Variants in B3GNT5 observed in about 807,000 individuals in gnomAD.
B3GNT5 encodes the protein UDP-GlcNAc:betaGal beta-1,3-N-acetylglucosaminyltransferase 5.
Under a neutral mutation model 25.9 loss-of-function variants are expected in B3GNT5, and 11 were observed. The ratio of observed to expected loss-of-function variants is 0.42; its 90% CI spans 0.27 to 0.70. The LOEUF is 0.70. B3GNT5 is among the 30% of genes least tolerant of loss of function. B3GNT5 has a pLI of 0.23. For missense variants in B3GNT5, 385 were observed against 458.4 expected (o/e 0.84, Z 1.46); for synonymous variants, 166 against 158.6 (o/e 1.05, Z -0.35).
chr3:183,272,097 C>A lies in B3GNT5; in HGVS notation c.*1162C>A. 1 of 939,082 alleles carries A rather than the reference C, an allele frequency of 1.1e-6. No individual in the cohort carries two copies. The highest frequency in any genetic ancestry group is 5.0e-5 in the South Asian group (1 of 20,000). The allele number at this position is 939,082 out of a possible 1,614,324, so 58.2% of individuals were successfully genotyped here. A position where few individuals can be genotyped will look rare whatever the true frequency, so the allele number is the denominator to read the frequency against. On this transcript the variant is annotated 3_prime_UTR_variant, in exon 2 of 2. Coordinates refer to ENST00000326505, the MANE Select transcript of B3GNT5 (RefSeq NM_032047.5). ...TTTCTAAATATTTCAAACTTGAAAA[C>A]AGAGTAAAAAAGTGATAGAAAAGTT...
intron 1 of B3GNT5, among the ~76,000 whole-genome samples, chr3:183,257,396 CTG>C (rs971803796): frequency 2.0e-5 from 3 of 152,214 alleles, no homozygotes; most frequent in African/African-American, 7.2e-5. Context: ...TGAAACATCT[CTG>C]AAGTCTTTTT....
intron 1 of B3GNT5, chr3:183,254,499 C>A (rs1049558823): frequency 1.3e-5 from 2 of 152,134 alleles, no homozygotes; most frequent in Non-Finnish European, 2.9e-5. Context: ...CGCCCAGGTG[C>A]GGCAGGTAGG....
chr3:183,272,359 T>C lies in B3GNT5; in HGVS notation c.*1424T>C, dbSNP rs1424939412. ...AGTGACTGAACTCACTCTAAGGCCT[T>C]TGACTGCAGAGGCACCTGTTAGGGA... is the stretch of plus-strand genomic sequence containing the variant. On this transcript the variant is annotated 3_prime_UTR_variant, in exon 2 of 2. Transcript: ENST00000326505. 5 of 1,000,106 alleles carry C rather than the reference T, an allele frequency of 5.0e-6. No individual in the cohort carries two copies. Among genetic ancestry groups the C allele is most frequent in the African/African-American group, 1.7e-5 (1 of 57,216 alleles). The allele number at this position is 1,000,106 out of a possible 1,614,324, so 62.0% of individuals were successfully genotyped here. A position where few individuals can be genotyped will look rare whatever the true frequency, so the allele number is the denominator to read the frequency against.
At chr3:183,258,938 T>C (rs144906089) in intron 1 of B3GNT5, among the ~76,000 whole-genome samples, 6 of 152,326 alleles carry the variant, frequency 3.9e-5, no homozygotes, top group African/African-American at 9.6e-5. Flanking sequence ...TAATGCAATA[T>C]AAATGCTATG....
At chr3:183,254,530 G>T (rs1192868568) in intron 1 of B3GNT5, 2 of 152,118 alleles carry the variant, frequency 1.3e-5, no homozygotes, top group Non-Finnish European at 2.9e-5. Context: ...GGGCAGCTCC[G>T]GTTGGGGCGG....
Position 183,267,210 on chromosome 3 carries a change from A to G in B3GNT5, c.-301-2288A>G, listed in dbSNP as rs1286541691. Among the ~76,000 whole-genome samples, 1 of 151,544 alleles carries G rather than the reference A, an allele frequency of 6.6e-6. No individual in the cohort carries two copies. Among genetic ancestry groups the G allele is most frequent in the African/African-American group, 2.4e-5 (1 of 40,828 alleles). ...TCTTACTACTCTCAGTACACTCTGT[A>G]TTTAAAAAAAAAAATGCTGGTTGTG... On this transcript the variant is annotated intron_variant, in intron 1 of 1. Transcript: ENST00000326505. The surrounding 1 kb of genome is among the most constrained non-coding windows in gnomAD (Gnocchi z 5.5).
intron 1 of B3GNT5, among the ~76,000 whole-genome samples, chr3:183,263,672 G>A (rs1020380105): frequency 2.0e-5 from 3 of 151,964 alleles, no homozygotes; most frequent in African/African-American, 4.8e-5. Context: ...TGTCTAACTC[G>A]TCTTAGATTA....
intron 1 of B3GNT5, among the ~76,000 whole-genome samples, chr3:183,256,100 T>C (rs1316012709): frequency 6.6e-6 from 1 of 152,254 alleles, no homozygotes; most frequent in African/African-American, 2.4e-5. Flanking sequence ...GAATTTTATA[T>C]ATGCTGAAGT....
At chr3:183,261,297 C>CTA (rs1460825654) in intron 1 of B3GNT5, among the ~76,000 whole-genome samples, 1 of 152,078 alleles carries the variant, frequency 6.6e-6, no homozygotes, top group Non-Finnish European at 1.5e-5. Context: ...TTGGTCCTAG[C>CTA]TATACTTAAC....
Position 183,270,053 on chromosome 3 carries a change from T to G in B3GNT5, c.255T>G (p.Ala85=). 1 of 1,614,142 alleles carries G rather than the reference T, an allele frequency of 6.2e-7. No homozygotes were observed. Among genetic ancestry groups the G allele is most frequent in the Non-Finnish European group, 8.5e-7 (1 of 1,180,030 alleles). The stretch of plus-strand genomic sequence containing the variant: ...TTAACCACAAGGAAAAGTGTCAAGC[T>G]CAAGACGTCCTCCTTTTACTGTTTG... ...YLINHKEKCQ[A]QDVLLLLFVK... is the part of the protein sequence containing the mutation. Residue 85 remains alanine (A), a synonymous_variant, in exon 2 of 2, where the codon GCT becomes GCG. Transcript: ENST00000326505. This position sits in a 1 kb window ranked among gnomAD's most constrained non-coding sequence, Gnocchi z 4.5.
intron 1 of B3GNT5, among the ~76,000 whole-genome samples, chr3:183,255,978 A>G (rs1725011688): frequency 6.6e-6 from 1 of 152,200 alleles, no homozygotes; most frequent in South Asian, 2.1e-4. Context: ...TCTGAGGCCC[A>G]ATTGCACTAG....
chr3:183,261,350 A>G (rs565462203), intron 1 of B3GNT5, among the ~76,000 whole-genome samples: 2 of 152,362 alleles, frequency 1.3e-5, no homozygotes, highest in South Asian at 4.1e-4. Flanking sequence ...AATACTTGGA[A>G]TATAGAACAA....
chr3:183,259,073 G>C (rs1725347537), intron 1 of B3GNT5, among the ~76,000 whole-genome samples: 1 of 152,106 alleles, frequency 6.6e-6, no homozygotes, highest in African/African-American at 2.4e-5. Flanking sequence ...TGAATCTGAG[G>C]ATGCGGAACC....
At position 183,272,741 on chromosome 3, in the gene B3GNT5, T is replaced by C; in HGVS notation, c.*1806T>C. The C allele has an allele frequency of 9.5e-7, 1 of 1,048,862 alleles. No homozygotes were observed. The highest frequency in any genetic ancestry group is 1.2e-6 in the Non-Finnish European group (1 of 862,016). The allele number at this position is 1,048,862 out of a possible 1,614,324, so 65.0% of individuals were successfully genotyped here. On this transcript the variant is annotated 3_prime_UTR_variant, in exon 2 of 2. Transcript: ENST00000326505. ...AAGCAACAAGCTTATAATTAATTTT[T>C]ATTAGTTGATTGATTAATGATGTAT...
intron 1 of B3GNT5, 52 bp from the exon 2 acceptor site, chr3:183,269,446 C>A (rs1403215718): frequency 1.0e-5 from 2 of 200,114 alleles, no homozygotes; most frequent in Non-Finnish European, 2.0e-5. Flanking sequence ...TTCTTTCCAG[C>A]ACCTTAGTAA....
Position 183,269,534 on chromosome 3 carries a change from G to T in B3GNT5, c.-265G>T. Reference sequence around the variant, plus strand: ...TATTCACATGGGAGAGCCGCATGAGGCCGCCCACCACGCTTCCTGAAGGAT... The same window carrying T: ...TATTCACATGGGAGAGCCGCATGAGTCCGCCCACCACGCTTCCTGAAGGAT... On this transcript the variant is annotated 5_prime_UTR_variant, in exon 2 of 2. Coordinates refer to ENST00000326505, the MANE Select transcript of B3GNT5 (RefSeq NM_032047.5). The T allele has an allele frequency of 2.6e-6, 1 of 387,370 alleles. No individual in the cohort carries two copies. The allele number at this position is 387,370 out of a possible 1,614,324, so 24.0% of individuals were successfully genotyped here.
Position 183,269,556 on chromosome 3 carries a change from G to A in B3GNT5, c.-243G>A. ...GAGGCCGCCCACCACGCTTCCTGAAGGATGCCCGTGTGGAAGAATTTTGAC... is the reference window on the plus strand; with the variant it reads ...GAGGCCGCCCACCACGCTTCCTGAAAGATGCCCGTGTGGAAGAATTTTGAC... On this transcript the variant is annotated 5_prime_UTR_variant, in exon 2 of 2. Transcript: ENST00000326505. 2.3e-6 allele frequency: 1 copy of A among 429,730 alleles called. No individual in the cohort carries two copies. Among genetic ancestry groups the A allele is most frequent in the Non-Finnish European group, 4.1e-6 (1 of 244,108 alleles). 26.6% of individuals were successfully genotyped at this position (429,730 alleles called of 1,614,324 possible). A position where few individuals can be genotyped will look rare whatever the true frequency, so the allele number is the denominator to read the frequency against.
At chr3:183,257,509 C>T (rs1192421125) in intron 1 of B3GNT5, among the ~76,000 whole-genome samples, 1 of 152,176 alleles carries the variant, frequency 6.6e-6, no homozygotes, top group Non-Finnish European at 1.5e-5. Flanking sequence ...GGGCTGCCCG[C>T]TGTAATGCCT....
At chr3:183,258,390 T>G (rs976569913) in intron 1 of B3GNT5, 1 of 152,744 alleles carries the variant, frequency 6.5e-6, no homozygotes, top group Non-Finnish European at 1.5e-5. Flanking sequence ...CAGGATCAGG[T>G]GCATTCAGCG....
Sources: allele counts gnomAD v4.1 joint callset (sites outside exome capture counted in the v4.1 genomes callset), GRCh38; gene constraint gnomAD v4.1.1; non-coding constraint Gnocchi (gnomAD v3.1); transcripts MANE v1.5; gene names NCBI Gene and HGNC (gene_info 2026-07-23, HGNC 2026-07-21).